AEBP2: variants seen among roughly 807,000 people sequenced by gnomAD.
The protein encoded by AEBP2 is zinc finger protein AEBP2.
A neutral mutation model predicts 50.8 loss-of-function variants in AEBP2; 10 were observed. That is an observed-to-expected ratio of 0.20 (90% confidence interval 0.12 to 0.33). The LOEUF is 0.33. AEBP2 is among the 10% of genes least tolerant of loss of function. The pLI, the probability that AEBP2 is intolerant of heterozygous loss-of-function variation, is 1.00. For missense variants in AEBP2, 570 were observed against 688.0 expected (o/e 0.83, Z 1.92); for synonymous variants, 296 against 261.3 (o/e 1.13, Z -1.28).
At chr12:19,473,864 T>C (rs1948609737) in intron 3 of AEBP2, among the ~76,000 whole-genome samples, 1 of 152,216 alleles carries the variant, frequency 6.6e-6, no homozygotes, top group Non-Finnish European at 1.5e-5. Flanking sequence ...TGATCAATTT[T>C]TTTCTATTTG....
chr12:19,456,302 C>G (rs757085103), intron 1 of AEBP2: 1 of 1,512,584 alleles, frequency 6.6e-7, no homozygotes, highest in African/African-American at 1.4e-5. Context: ...CTCCAGCAGC[C>G]TTCTTGTTCA....
chr12:19,518,040 G>A (rs527557219), intron 7 of AEBP2, 47 bp from the exon 8 acceptor site: 3 of 1,536,252 alleles, frequency 2.0e-6, no homozygotes, highest in Middle Eastern at 1.7e-4. Flanking sequence ...GCACTCAAAT[G>A]TGTTTGATTC....
At chr12:19,473,698 G>A (rs573067203) in intron 3 of AEBP2, among the ~76,000 whole-genome samples, 45 of 152,270 alleles carry the variant, frequency 3.0e-4, no homozygotes, top group African/African-American at 8.2e-4. Flanking sequence ...GAGCCACTGC[G>A]CCTGGCTGTT....
chr12:19,422,713 T>C (rs932245871), intron 1 of AEBP2, among the ~76,000 whole-genome samples: 4 of 151,998 alleles, frequency 2.6e-5, no homozygotes, highest in East Asian at 3.9e-4. Context: ...GTTCCAGATA[T>C]ATGGGAGGGT....
chr12:19,508,410 G>C (rs762385819), intron 5 of AEBP2, among the ~76,000 whole-genome samples: 1 of 152,036 alleles, frequency 6.6e-6, no homozygotes. Flanking sequence ...TTTGCTTAAA[G>C]CTCTGCTTTT....
At chr12:19,460,192 G>T (rs1479942519) in intron 1 of AEBP2, among the ~76,000 whole-genome samples, 5 of 152,202 alleles carry the variant, frequency 3.3e-5, no homozygotes, top group Non-Finnish European at 5.9e-5. Context: ...CTTGGCAACG[G>T]AGTGAAGACC....
At chr12:19,436,009 C>T (rs1235067470), upstream of AEBP2, among the ~76,000 whole-genome samples, 3 of 152,222 alleles carry the variant, frequency 2.0e-5, no homozygotes, top group Admixed American at 2.0e-4. Context: ...GCTGCATTCC[C>T]AGGAGGTTAG....
At chr12:19,457,555 C>T in intron 1 of AEBP2, 1 of 1,482,884 alleles carries the variant, frequency 6.7e-7, no homozygotes, top group Non-Finnish European at 9.1e-7. Flanking sequence ...TTGATGCTAC[C>T]ACATTTGTAG....
intron 7 of AEBP2, among the ~76,000 whole-genome samples, chr12:19,517,317 T>G (rs1339941744): frequency 1.8e-4 from 27 of 152,034 alleles, no homozygotes; most frequent in Non-Finnish European, 5.9e-5. Flanking sequence ...AATAGATATA[T>G]TCCTTCAAAA....
chr12:19,450,601 G>C (rs1462691573), intron 1 of AEBP2, among the ~76,000 whole-genome samples: 4 of 144,662 alleles, frequency 2.8e-5, no homozygotes, highest in African/African-American at 7.8e-5. Flanking sequence ...AGGCTGAGGA[G>C]GGAGGATAGC....
chr12:19,447,676 C>T (rs1461859013), intron 1 of AEBP2, among the ~76,000 whole-genome samples: 1 of 63,110 alleles, frequency 1.6e-5, no homozygotes, highest in Non-Finnish European at 3.1e-5. Flanking sequence ...GTATTTACTT[C>T]GTAGAGTCAT....
At chr12:19,500,406 C>A (rs1949050730) in intron 5 of AEBP2, among the ~76,000 whole-genome samples, 185 bp downstream of exon 5, 1 of 152,132 alleles carries the variant, frequency 6.6e-6, no homozygotes. Context: ...TATAATTTTA[C>A]ATGTTTGTGA....
At chr12:19,429,224 G>A (rs993669266) in intron 1 of AEBP2, among the ~76,000 whole-genome samples, 20 of 152,224 alleles carry the variant, frequency 1.3e-4, no homozygotes, top group African/African-American at 3.4e-4. Flanking sequence ...GAGAACATGC[G>A]GTGTTTGGTT....
At chr12:19,455,836 G>A (rs1948260449) in intron 1 of AEBP2, among the ~76,000 whole-genome samples, 1 of 152,138 alleles carries the variant, frequency 6.6e-6, no homozygotes, top group South Asian at 2.1e-4. Flanking sequence ...CAACGTGTGT[G>A]TAGGTGTTTT....
At chr12:19,411,774 G>A (rs2095739331) in intron 1 of AEBP2, among the ~76,000 whole-genome samples, 1 of 152,152 alleles carries the variant, frequency 6.6e-6, no homozygotes, top group African/African-American at 2.4e-5. Flanking sequence ...AGCATTTAAT[G>A]AGCAGCAACT....
chr12:19,505,176 G>C (rs1450360534), intron 5 of AEBP2, among the ~76,000 whole-genome samples: 1 of 152,198 alleles, frequency 6.6e-6, no homozygotes, highest in Non-Finnish European at 1.5e-5. Context: ...ACCGAGGCTG[G>C]TTGAAGTCCT....
chr12:19,463,220 A>G (rs1468613737), intron 2 of AEBP2, among the ~76,000 whole-genome samples: 2 of 152,206 alleles, frequency 1.3e-5, no homozygotes, highest in Non-Finnish European at 2.9e-5. Flanking sequence ...ATTTAGATGG[A>G]AAGTTCTGAT....
chr12:19,500,521 A>T (rs1949052533), intron 5 of AEBP2, among the ~76,000 whole-genome samples: 1 of 152,182 alleles, frequency 6.6e-6, no homozygotes, highest in African/African-American at 2.4e-5. Context: ...TAGCTAAACC[A>T]GGTGTCTTTT....
chr12:19,501,797 G>GTTTTTTTTTTTTTTTT lies in AEBP2; in HGVS notation c.1299+1581_1299+1596dup, dbSNP rs754195220. Among the ~76,000 whole-genome samples the GTTTTTTTTTTTTTTTT allele has an allele frequency of 1.4e-3, 97 of 70,896 alleles. 2 individuals are homozygous for GTTTTTTTTTTTTTTTT. The highest frequency in any genetic ancestry group is 1.7e-3 in the Non-Finnish European group (64 of 37,156). The allele number at this position is 70,896 out of a possible 152,430, so 46.5% of individuals were successfully genotyped here. A position where few individuals can be genotyped will look rare whatever the true frequency, so the allele number is the denominator to read the frequency against. On this transcript the variant is annotated intron_variant, in intron 5 of 7. Coordinates refer to ENST00000266508, the MANE Select transcript of AEBP2 (RefSeq NM_153207.5). ...CGTCGTCTCCTATAAAAATGAGTTT[G>GTTTTTTTTTTTTTTTT]TTTTTTTTTTTTTTTTTTTTGCATT... is the stretch of plus-strand genomic sequence containing the variant.
Sources: gnomAD v4.1 joint callset for allele counts (sites outside exome capture counted in the v4.1 genomes callset) on GRCh38, gnomAD v4.1.1 for gene constraint, MANE v1.5 for transcripts, NCBI Gene and HGNC (gene_info 2026-07-23, HGNC 2026-07-21) for gene names.